Variants in RALYL observed in about 807,000 individuals in gnomAD.
RALYL encodes the protein RNA-binding Raly-like protein.
RALYL carries 29 observed loss-of-function variants against 35.1 expected under a neutral mutation model. The observed-to-expected ratio is 0.83, with a 90% CI of 0.61 to 1.13. RALYL has a LOEUF of 1.13. RALYL is among the 50% of genes most tolerant of loss of function. RALYL has a pLI of 0.00. For synonymous variants in RALYL, 120 were observed against 127.6 expected, an observed-to-expected ratio of 0.94 and a Z score of 0.40; for missense variants, 359 against 360.4, an observed-to-expected ratio of 1.00 and a Z score of 0.03.
intron 8 of RALYL, among the ~76,000 whole-genome samples, chr8:84,918,341 A>G (rs1489804330): frequency 6.6e-6 from 1 of 152,052 alleles, no homozygotes; most frequent in African/African-American, 2.4e-5. Context: ...TGTGCCTTCC[A>G]TGTAGATTAA....
chr8:84,448,849 G>A (rs968798404), intron 1 of RALYL, among the ~76,000 whole-genome samples: 1 of 151,994 alleles, frequency 6.6e-6, no homozygotes, highest in Non-Finnish European at 1.5e-5. Flanking sequence ...TATAGAGTAG[G>A]TGTTCTGGTC....
At chr8:84,387,803 C>CT (rs112006834) in intron 1 of RALYL, among the ~76,000 whole-genome samples, 7,860 of 135,470 alleles carry the variant, frequency 0.058, 224 homozygotes, top group Middle Eastern at 0.12. Context: ...TTCTTTCTTT[C>CT]TTTTTTTTTT....
At chr8:84,888,814 A>G (rs1843339637) in intron 8 of RALYL, among the ~76,000 whole-genome samples, 1 of 152,148 alleles carries the variant, frequency 6.6e-6, no homozygotes, top group Non-Finnish European at 1.5e-5. Flanking sequence ...CAGTAGCATG[A>G]TCTCAGCTCA....
At chr8:84,596,944 T>G (rs905968589) in intron 2 of RALYL, among the ~76,000 whole-genome samples, 5 of 152,068 alleles carry the variant, frequency 3.3e-5, no homozygotes, top group Non-Finnish European at 7.4e-5. Flanking sequence ...TCTCTGTTAC[T>G]TAAAGAAGCA....
At chr8:84,616,990 T>C (rs1327830272) in intron 2 of RALYL, among the ~76,000 whole-genome samples, 3 of 150,684 alleles carry the variant, frequency 2.0e-5, no homozygotes, top group Admixed American at 6.6e-5. Flanking sequence ...TTTTGGTTAC[T>C]GTAGCCTTGT....
chr8:84,920,718 G>A (rs1467416969), intron 8 of RALYL, among the ~76,000 whole-genome samples, 176 bp from the exon 9 acceptor site: 1 of 151,910 alleles, frequency 6.6e-6, no homozygotes, highest in African/African-American at 2.4e-5. Flanking sequence ...TTATAGATTT[G>A]CCTACAACAA....
chr8:84,617,292 G>T (rs961968774), intron 2 of RALYL, among the ~76,000 whole-genome samples: 6 of 151,630 alleles, frequency 4.0e-5, no homozygotes, highest in African/African-American at 7.3e-5. Context: ...TAGTTCTCCT[G>T]CAAGAGGTCC....
chr8:84,559,942 CTCCTACAA>C (rs2061372782), intron 2 of RALYL, among the ~76,000 whole-genome samples: 1 of 150,546 alleles, frequency 6.6e-6, no homozygotes, highest in South Asian at 2.1e-4. Flanking sequence ...GAGCTCTGAA[CTCCTACAA>C]TCAAGTGTAG....
chr8:84,784,241 C>T (rs1818858952), intron 3 of RALYL, among the ~76,000 whole-genome samples: 1 of 152,030 alleles, frequency 6.6e-6, no homozygotes, highest in Non-Finnish European at 1.5e-5. Flanking sequence ...CGTGTAACTT[C>T]TAACAATGAA....
In RALYL at chr8:84,388,668, G is replaced by A. The variant is rs551674128; in HGVS notation, c.-23-140631G>A. The stretch of plus-strand genomic sequence containing the variant: ...TGAGAAGTGTCTGTTCATGTCCTTC[G>A]CCCACTTTTTGATGGGGTTGTTTGT... On this transcript the variant is annotated intron_variant, in intron 1 of 8. Transcript: ENST00000521268. 1.6e-3 allele frequency among the ~76,000 whole-genome samples: 240 copies of A among 152,022 alleles called. 2 individuals carry two copies. The highest frequency in any genetic ancestry group is 4.5e-3 in the African/African-American group (187 of 41,484).
rs534480417 is a variant in RALYL at position 84,809,460 on chromosome 8, T to C, written c.365+4658T>C. ...GTAGTTTTCTTTTTTGGTTATGTCC[T>C]TTCCTGGTTTTGGTATTAGGGTGAT... is the stretch of plus-strand genomic sequence containing the variant. On this transcript the variant is annotated intron_variant, in intron 4 of 8. Coordinates refer to ENST00000521268, the MANE Select transcript of RALYL (RefSeq NM_173848.7). Among the ~76,000 whole-genome samples, 3 of 152,222 alleles carry C rather than the reference T, an allele frequency of 2.0e-5. No individual in the cohort carries two copies. In the East Asian group the frequency reaches 5.8e-4, roughly 29 times the overall value.
At chr8:84,731,212 CAG>C (rs905994151) in intron 2 of RALYL, among the ~76,000 whole-genome samples, 1 of 152,126 alleles carries the variant, frequency 6.6e-6, no homozygotes, top group African/African-American at 2.4e-5. Context: ...CCCGTGGAGA[CAG>C]AGTCTGTAGA....
intron 2 of RALYL, among the ~76,000 whole-genome samples, chr8:84,731,046 C>T (rs1423700875): frequency 6.6e-6 from 1 of 152,064 alleles, no homozygotes; most frequent in African/African-American, 2.4e-5. Flanking sequence ...GGGGCAGAAA[C>T]ATTTTTTTGG....
At chr8:84,774,197 C>T (rs900897012) in intron 2 of RALYL, among the ~76,000 whole-genome samples, 4 of 152,076 alleles carry the variant, frequency 2.6e-5, no homozygotes, top group Admixed American at 2.0e-4. Flanking sequence ...CCAGCCTGGG[C>T]GACAGAGCAA....
intron 2 of RALYL, among the ~76,000 whole-genome samples, chr8:84,673,255 GA>G (rs1230211433): frequency 6.6e-6 from 1 of 152,148 alleles, no homozygotes; most frequent in Non-Finnish European, 1.5e-5. Flanking sequence ...GTTACTTGTA[GA>G]TGCTGAATAT....
chr8:84,673,816 C>T (rs1391646219), intron 2 of RALYL, among the ~76,000 whole-genome samples: 1 of 152,128 alleles, frequency 6.6e-6, no homozygotes, highest in Non-Finnish European at 1.5e-5. Context: ...TAGTGCAACG[C>T]CTCCAGTTTT....
intron 2 of RALYL, among the ~76,000 whole-genome samples, chr8:84,665,180 G>A (rs1398787197): frequency 6.6e-6 from 1 of 151,922 alleles, no homozygotes; most frequent in African/African-American, 2.4e-5. Context: ...TTTGATTGCG[G>A]TGGTTAAGCT....
intron 1 of RALYL, among the ~76,000 whole-genome samples, chr8:84,457,240 T>C (rs146227206): frequency 9.2e-5 from 14 of 152,122 alleles, no homozygotes; most frequent in African/African-American, 2.6e-4. Context: ...TGATGTACCA[T>C]AACTCATAGA....
At chr8:84,184,809 C>T in intron 1 of RALYL, 1 of 632,882 alleles carries the variant, frequency 1.6e-6, no homozygotes, top group South Asian at 1.8e-5. Context: ...GGGCCGTGTA[C>T]GTGGCGCTGG....
Sources: gnomAD v4.1 joint callset for allele counts (sites outside exome capture counted in the v4.1 genomes callset) on GRCh38, gnomAD v4.1.1 for gene constraint, MANE v1.5 for transcripts, NCBI Gene and HGNC (gene_info 2026-07-23, HGNC 2026-07-21) for gene names.